RBFOX3: variants seen among roughly 807,000 people sequenced by gnomAD.
The protein encoded by RBFOX3 is RNA binding fox-1 homolog 3.
A neutral mutation model predicts 48.7 loss-of-function variants in RBFOX3; 17 were observed. The observed-to-expected ratio is 0.35, with a 90% CI of 0.24 to 0.52. The LOEUF (loss-of-function observed/expected upper bound fraction) is 0.52, where lower values mean the gene tolerates loss of function less well. RBFOX3 is among the 20% of genes least tolerant of loss of function. RBFOX3 has a pLI of 0.94. For missense variants in RBFOX3, 382 were observed against 497.5 expected, an observed-to-expected ratio of 0.77 and a Z score of 2.21; for synonymous variants, 212 against 209.5, an observed-to-expected ratio of 1.01 and a Z score of -0.10.
intron 2 of RBFOX3, among the ~76,000 whole-genome samples, chr17:79,416,505 G>A (rs976243972): frequency 2.0e-5 from 3 of 152,238 alleles, no homozygotes; most frequent in Admixed American, 6.5e-5. Flanking sequence ...CCAAGACAGC[G>A]ACGTGGCCCA....
intron 2 of RBFOX3, among the ~76,000 whole-genome samples, chr17:79,431,371 C>T (rs9908634): frequency 0.059 from 8,904 of 152,168 alleles, 364 homozygotes; most frequent in African/African-American, 0.11. Flanking sequence ...TTGAGTGCAA[C>T]GATGCAATCT....
intron 2 of RBFOX3, among the ~76,000 whole-genome samples, chr17:79,343,837 A>G (rs2082460445): frequency 6.6e-6 from 1 of 152,180 alleles, no homozygotes; most frequent in Non-Finnish European, 1.5e-5. Context: ...GAACAGCCCA[A>G]AGTCACTCAG....
intron 2 of RBFOX3, among the ~76,000 whole-genome samples, chr17:79,425,940 G>A (rs985284954): frequency 3.3e-5 from 5 of 152,288 alleles, no homozygotes; most frequent in South Asian, 4.1e-4. Flanking sequence ...GGTGCGAGGC[G>A]AGGGCTCTCT....
intron 2 of RBFOX3, among the ~76,000 whole-genome samples, chr17:79,359,763 T>C (rs891797831): frequency 6.6e-6 from 1 of 151,948 alleles, no homozygotes; most frequent in African/African-American, 2.4e-5. Flanking sequence ...GGTCTCACTC[T>C]GTTGCTCAGG....
rs116175763 is a variant in RBFOX3 at position 79,298,882 on chromosome 17, G to A, written c.-74+8842C>T. On this transcript the variant is annotated intron_variant, in intron 3 of 14. Transcript: ENST00000693108. ...GCAACATGCCACTGCTGCTGGATGC[G>A]AGTGATGTTGACCTTGCTGGCAGGA... Among the ~76,000 whole-genome samples the A allele has an allele frequency of 6.5e-3, 993 of 152,308 alleles. 5 individuals carry two copies. Among genetic ancestry groups the A allele is most frequent in the African/African-American group, 0.023 (943 of 41,556 alleles).
At chr17:79,417,696 A>G (rs1323411503) in intron 2 of RBFOX3, among the ~76,000 whole-genome samples, 1 of 152,236 alleles carries the variant, frequency 6.6e-6, no homozygotes, top group Non-Finnish European at 1.5e-5. Context: ...TGGAATTGCC[A>G]TATGGTCAGC....
In RBFOX3 at chr17:79,477,937, G is replaced by A. The variant is rs1027443332; in HGVS notation, c.-175+4517C>T. On this transcript the variant is annotated intron_variant, in intron 2 of 14. Transcript: ENST00000693108. The surrounding 1 kb of genome is among the most constrained non-coding windows in gnomAD (Gnocchi z 4.8). ...CAGCAACGTCCTTCAGCTGGGCACC[G>A]CCTGTTCCACCCAGGAGCACCTAGG... Among the ~76,000 whole-genome samples the A allele has an allele frequency of 1.1e-4, 16 of 152,212 alleles. No homozygotes were observed. The highest frequency in any genetic ancestry group is 2.1e-4 in the South Asian group (1 of 4,810).
Position 79,494,883 on chromosome 17 carries a change from G to A in RBFOX3, c.-319-12285C>T, listed in dbSNP as rs781127219. ...AGCCACACCCAACAGAGGCACAAGAGGACCCACGCAGGAGCCATGCAGAGC... is the reference window on the plus strand; with the variant it reads ...AGCCACACCCAACAGAGGCACAAGAAGACCCACGCAGGAGCCATGCAGAGC... On this transcript the variant is annotated intron_variant, in intron 1 of 14. Coordinates refer to ENST00000693108, the MANE Select transcript of RBFOX3 (RefSeq NM_001350451.2). 2.9e-4 allele frequency among the ~76,000 whole-genome samples: 44 copies of A among 152,332 alleles called. No individual in the cohort carries two copies. In the South Asian group the frequency reaches 2.9e-3, roughly 10 times the overall value.
At chr17:79,509,260 C>T (rs976441127) in intron 1 of RBFOX3, among the ~76,000 whole-genome samples, 19 of 152,246 alleles carry the variant, frequency 1.2e-4, no homozygotes, top group East Asian at 1.9e-4. Context: ...GCGCCAGAGC[C>T]GGTGTTTCAG....
At chr17:79,520,484 C>T (rs947860275) in intron 1 of RBFOX3, among the ~76,000 whole-genome samples, 9,635 of 152,216 alleles carry the variant, frequency 0.063, 655 homozygotes, top group African/African-American at 0.17. Flanking sequence ...ACACAGGATG[C>T]GCATTAAAAC....
intron 4 of RBFOX3, among the ~76,000 whole-genome samples, chr17:79,173,215 A>C (rs201615598): frequency 0.2 from 17,817 of 87,676 alleles, 1,146 homozygotes; most frequent in African/African-American, 0.34. Flanking sequence ...CAAATAAATA[A>C]ATAAATACAT....
chr17:79,476,060 C>T (rs1303707009), intron 2 of RBFOX3, among the ~76,000 whole-genome samples: 1 of 152,240 alleles, frequency 6.6e-6, no homozygotes, highest in East Asian at 1.9e-4. Flanking sequence ...CTGCACCTGA[C>T]ACCCTGTGCT....
At chr17:79,396,324 G>T (rs1162842795) in intron 2 of RBFOX3, among the ~76,000 whole-genome samples, 1 of 152,180 alleles carries the variant, frequency 6.6e-6, no homozygotes, top group African/African-American at 2.4e-5. Flanking sequence ...CTGTGCGTCT[G>T]AGATGCTGCA....
At chr17:79,334,871 C>T (rs2080951235) in intron 2 of RBFOX3, among the ~76,000 whole-genome samples, 1 of 152,216 alleles carries the variant, frequency 6.6e-6, no homozygotes, top group South Asian at 2.1e-4. Flanking sequence ...AGTGTCTCAC[C>T]CCCCAACCAG....
chr17:79,184,903 C>T (rs919409514), intron 4 of RBFOX3, among the ~76,000 whole-genome samples: 3 of 152,162 alleles, frequency 2.0e-5, no homozygotes, highest in African/African-American at 4.8e-5. Flanking sequence ...ACATCCAGCC[C>T]GAGAGATGGG....
At chr17:79,177,693 C>T (rs1205796213) in intron 4 of RBFOX3, among the ~76,000 whole-genome samples, 1 of 152,180 alleles carries the variant, frequency 6.6e-6, no homozygotes, top group Non-Finnish European at 1.5e-5. Flanking sequence ...GGACCCGCTT[C>T]CTAGACCCTC....
In RBFOX3 at chr17:79,199,890, G is replaced by A. The variant is rs2056449011; in HGVS notation, c.-34+35876C>T. Among the ~76,000 whole-genome samples, 1 of 152,194 alleles carries A rather than the reference G, an allele frequency of 6.6e-6. No homozygotes were observed. On this transcript the variant is annotated intron_variant, in intron 4 of 14. Coordinates refer to ENST00000693108, the MANE Select transcript of RBFOX3 (RefSeq NM_001350451.2). This position sits in a 1 kb window ranked among gnomAD's most constrained non-coding sequence, Gnocchi z 5.1. ...AATGGGGAGAAAAGGGCCGGACGTG[G>A]TGGCTCACGCCTGTAATCCCAGCAC...
the RBFOX3 span, among the ~76,000 whole-genome samples, chr17:79,617,059 A>G: frequency 6.6e-6 from 1 of 152,074 alleles, no homozygotes; most frequent in African/African-American, 2.4e-5. Context: ...CCCAAGGTTT[A>G]TCATCCCTCT....
the RBFOX3 span, among the ~76,000 whole-genome samples, chr17:79,620,676 CGCACATGCACACAT>C: frequency 5.5e-4 from 79 of 144,318 alleles, no homozygotes; most frequent in African/African-American, 2.1e-3. Context: ...CATGCACACA[CGCACATGCACACAT>C]GTGCCCATGC....
Sources: gnomAD v4.1 joint callset for allele counts (sites outside exome capture counted in the v4.1 genomes callset) on GRCh38, gnomAD v4.1.1 for gene constraint, Gnocchi (gnomAD v3.1) non-coding constraint, MANE v1.5 for transcripts, NCBI Gene and HGNC (gene_info 2026-07-23, HGNC 2026-07-21) for gene names.